Variants in NRG3 observed in about 807,000 individuals in gnomAD.
NRG3 encodes pro-neuregulin-3, membrane-bound isoform.
In NRG3, 31 loss-of-function variants were observed where a neutral mutation model predicts 66.9. That is an observed-to-expected ratio of 0.46 (90% CI 0.35 to 0.63). NRG3 has a LOEUF of 0.63. Ranked by LOEUF, NRG3 falls within the 20% of genes least tolerant of loss-of-function variation. The pLI is 0.00. For synonymous variants in NRG3, 393 were observed against 359.4 expected (o/e 1.09, Z -1.06); for missense variants, 910 against 878.9 (o/e 1.04, Z -0.45).
At chr10:82,847,986 A>C (rs2063385431) in intron 3 of NRG3, among the ~76,000 whole-genome samples, 1 of 152,246 alleles carries the variant, frequency 6.6e-6, no homozygotes, top group African/African-American at 2.4e-5. Context: ...ACATATATGC[A>C]GAGAAAAAAG....
intron 2 of NRG3, among the ~76,000 whole-genome samples, chr10:82,573,514 C>T (rs1023292080): frequency 2.0e-5 from 3 of 151,730 alleles, no homozygotes; most frequent in Admixed American, 2.0e-4. Context: ...ACCCCTTCTC[C>T]ATTTAAACCT....
At chr10:82,937,767 G>A (rs1054572798) in intron 4 of NRG3, among the ~76,000 whole-genome samples, 10 of 152,168 alleles carry the variant, frequency 6.6e-5, no homozygotes, top group Non-Finnish European at 1.2e-4. Flanking sequence ...TCAGTGATTG[G>A]TACAGGAGTA....
intron 1 of NRG3, among the ~76,000 whole-genome samples, chr10:82,180,798 T>C (rs902183742): frequency 3.3e-5 from 5 of 151,914 alleles, no homozygotes; most frequent in Non-Finnish European, 5.9e-5. Flanking sequence ...TCTCAATTAT[T>C]TGGAAGATTT....
intron 4 of NRG3, among the ~76,000 whole-genome samples, chr10:82,894,681 C>T (rs778279446): frequency 3.3e-5 from 5 of 152,030 alleles, no homozygotes; most frequent in African/African-American, 1.2e-4. Flanking sequence ...TCCCGAGAAC[C>T]CTTACCCTGA....
chr10:82,685,139 C>T (rs2054416778), intron 2 of NRG3, among the ~76,000 whole-genome samples: 1 of 151,448 alleles, frequency 6.6e-6, no homozygotes, highest in South Asian at 2.1e-4. Context: ...AGACAGAGGC[C>T]CCCCCCAAAA....
chr10:82,020,243 T>G (rs535075799), intron 1 of NRG3, among the ~76,000 whole-genome samples: 1 of 152,304 alleles, frequency 6.6e-6, no homozygotes, highest in African/African-American at 2.4e-5. Flanking sequence ...GCAATTTACT[T>G]TAAGAAAAGA....
At chr10:82,866,101 T>C (rs1264399965) in intron 4 of NRG3, among the ~76,000 whole-genome samples, 1 of 152,108 alleles carries the variant, frequency 6.6e-6, no homozygotes, top group African/African-American at 2.4e-5. Flanking sequence ...ATACATTAAA[T>C]GAAGAAAGAA....
At chr10:82,048,258 A>G (rs959684702) in intron 1 of NRG3, among the ~76,000 whole-genome samples, 24 of 152,234 alleles carry the variant, frequency 1.6e-4, no homozygotes, top group African/African-American at 5.8e-4. Context: ...CCTAATAGAC[A>G]TCTACAGAAC....
chr10:82,692,761 G>T (rs145805650), intron 2 of NRG3, among the ~76,000 whole-genome samples: 1,627 of 152,332 alleles, frequency 0.011, 25 homozygotes, highest in African/African-American at 0.038. Context: ...GTAAACACTT[G>T]TGGGATGGGT....
chr10:82,250,540 A>G (rs771170167), intron 1 of NRG3, among the ~76,000 whole-genome samples: 6 of 152,142 alleles, frequency 3.9e-5, no homozygotes, highest in Non-Finnish European at 8.8e-5. Context: ...ATTAGCCAAG[A>G]TGGAGCCATT....
At chr10:82,569,501 T>C (rs1175289319) in intron 2 of NRG3, among the ~76,000 whole-genome samples, 1 of 151,826 alleles carries the variant, frequency 6.6e-6, no homozygotes, top group African/African-American at 2.4e-5. Context: ...ACATAAATTG[T>C]CCTCATTCTG....
At chr10:82,049,234 T>C (rs1197208349) in intron 1 of NRG3, among the ~76,000 whole-genome samples, 1 of 152,156 alleles carries the variant, frequency 6.6e-6, no homozygotes, top group Non-Finnish European at 1.5e-5. Flanking sequence ...ATTGTTTCAC[T>C]GCAAAGATTG....
intron 2 of NRG3, among the ~76,000 whole-genome samples, chr10:82,588,458 T>C (rs896140258): frequency 6.6e-6 from 1 of 152,152 alleles, no homozygotes; most frequent in Middle Eastern, 3.2e-3. Context: ...AAGCAGATGC[T>C]GGAGCCATGG....
chr10:82,166,639 T>C, intron 1 of NRG3: 1 of 363,628 alleles, frequency 2.8e-6, no homozygotes, highest in Non-Finnish European at 4.8e-6. Flanking sequence ...TATGTCTATA[T>C]ATACACACAT....
rs188005388 is a variant in NRG3, at chr10:82,919,097, G to A, written c.1055-32372G>A. On this transcript the variant is annotated intron_variant, in intron 4 of 8. Transcript: ENST00000372141. Reference sequence around the variant, plus strand: ...TGTGTGTGTGTGTGTGTGTGTGTGTGTGTATGTGTGTGTGTTCCTATTACA... The same window carrying A: ...TGTGTGTGTGTGTGTGTGTGTGTGTATGTATGTGTGTGTGTTCCTATTACA... Among the ~76,000 whole-genome samples, 14 of 115,998 alleles carry A rather than the reference G, an allele frequency of 1.2e-4. No homozygotes were observed. In the East Asian group the frequency reaches 3.1e-3, roughly 26 times the overall value. 76.1% of individuals were successfully genotyped at this position (115,998 alleles called of 152,430 possible).
At chr10:82,710,899 C>T (rs148651435) in intron 2 of NRG3, among the ~76,000 whole-genome samples, 1,637 of 152,066 alleles carry the variant, frequency 0.011, 29 homozygotes, top group African/African-American at 0.038. Context: ...TTCTTTTGAA[C>T]TTCGGTGACT....
At chr10:81,938,874 A>G (rs1297458838) in intron 1 of NRG3, among the ~76,000 whole-genome samples, 1 of 151,950 alleles carries the variant, frequency 6.6e-6, no homozygotes, top group Non-Finnish European at 1.5e-5. Context: ...TTTCTTGTTG[A>G]GTATAATGTT....
chr10:81,966,995 T>C (rs112613670), intron 1 of NRG3, among the ~76,000 whole-genome samples: 1,694 of 152,204 alleles, frequency 0.011, 29 homozygotes, highest in African/African-American at 0.033. Flanking sequence ...GTTATGAAAT[T>C]AATTGAGCAT....
At chr10:82,621,793 G>A (rs747147021) in intron 2 of NRG3, among the ~76,000 whole-genome samples, 8 of 152,168 alleles carry the variant, frequency 5.3e-5, no homozygotes, top group Non-Finnish European at 1.0e-4. Context: ...TCTGGCAACC[G>A]AGTTCTACAT....
Sources: allele counts gnomAD v4.1 joint callset (sites outside exome capture counted in the v4.1 genomes callset), GRCh38; gene constraint gnomAD v4.1.1; transcripts MANE v1.5; gene names NCBI Gene and HGNC (gene_info 2026-07-23, HGNC 2026-07-21).